Variants in FRY observed in about 807,000 individuals in gnomAD.
The protein encoded by FRY is FRY microtubule binding protein.
In FRY, 128 loss-of-function variants were observed where a neutral mutation model predicts 348.4. That is an observed-to-expected ratio of 0.37 (90% CI 0.32 to 0.43). FRY has a LOEUF of 0.43. FRY is among the 20% of genes least tolerant of loss of function. FRY has a pLI of 1.00. For missense variants in FRY, 2,736 were observed against 3,695.2 expected, an observed-to-expected ratio of 0.74 and a Z score of 6.73; for synonymous variants, 1,370 against 1,374.7, an observed-to-expected ratio of 1.00 and a Z score of 0.08.
chr13:32,137,230 A>T lies in FRY; in HGVS notation c.1179+258A>T, dbSNP rs556742834. ...AGGATCACTTTAAAAGTAGAATTAA[A>T]TGTTCTTTTATATGCATCCATTGTC... On this transcript the variant is annotated intron_variant, in intron 11 of 60. Coordinates refer to ENST00000542859, the MANE Select transcript of FRY (RefSeq NM_023037.3). 4.9e-4 allele frequency among the ~76,000 whole-genome samples: 74 copies of T among 152,334 alleles called. 1 individual carries two copies. The South Asian group carries it at 0.014, about 29-fold the overall frequency.
intron 28 of FRY, among the ~76,000 whole-genome samples, chr13:32,188,477 C>G (rs930186661): frequency 6.6e-6 from 1 of 152,118 alleles, no homozygotes; most frequent in Non-Finnish European, 1.5e-5. Context: ...GAAGAATTAG[C>G]AGGAGCATTG....
At chr13:32,179,919 GT>G in intron 23 of FRY, 120 bp downstream of exon 23, 1 of 941,174 alleles carries the variant, frequency 1.1e-6, no homozygotes, top group Non-Finnish European at 1.7e-6. Flanking sequence ...TAGGCTTTGT[GT>G]GACTTCCCAC....
chr13:32,186,021 T>G (rs1236704558), intron 26 of FRY, among the ~76,000 whole-genome samples: 1 of 152,188 alleles, frequency 6.6e-6, no homozygotes, highest in Non-Finnish European at 1.5e-5. Flanking sequence ...GCAGGTCCTA[T>G]TTTTGATCTT....
At chr13:32,288,440 G>A (rs993992505) in intron 58 of FRY, among the ~76,000 whole-genome samples, 1 of 152,204 alleles carries the variant, frequency 6.6e-6, no homozygotes, top group Non-Finnish European at 1.5e-5. Context: ...GAGCAGGGAA[G>A]AGCTGGGAAG....
chr13:32,215,134 A>G (rs773529716), intron 35 of FRY, among the ~76,000 whole-genome samples: 10 of 152,236 alleles, frequency 6.6e-5, no homozygotes, highest in East Asian at 1.9e-4. Context: ...ACAACTTAAC[A>G]TTAACCTAAC....
Position 32,078,905 on chromosome 13 carries a change from C to T in FRY, c.142C>T (p.Pro48Ser), listed in dbSNP as rs1408822497. 2 of 1,613,814 alleles carry T rather than the reference C, an allele frequency of 1.2e-6. No homozygotes were observed. The highest frequency in any genetic ancestry group is 1.7e-6 in the Non-Finnish European group (2 of 1,179,848). ...TTCTGGCACGCACAGGGAGAAAGGG[C>T]CGCCAACCATGCTACCCATCAATGT... The part of the protein sequence containing the change: ...PASGTHREKG[P>S]PTMLPINVDP... Residue 48 changes from proline (P) to serine (S), a missense_variant, in exon 2 of 61, where the codon CCG becomes TCG. Coordinates refer to ENST00000542859, the MANE Select transcript of FRY (RefSeq NM_023037.3).
intron 51 of FRY, among the ~76,000 whole-genome samples, chr13:32,258,892 G>A (rs151146470): frequency 6.6e-6 from 1 of 152,180 alleles, no homozygotes; most frequent in East Asian, 1.9e-4. Context: ...TAGAACATTT[G>A]GGGGAGTATA....
At chr13:32,043,395 T>C (rs1198590661) in intron 1 of FRY, among the ~76,000 whole-genome samples, 6 of 152,216 alleles carry the variant, frequency 3.9e-5, no homozygotes, top group Admixed American at 3.9e-4. Context: ...AGGGCAATAA[T>C]AATAGCTGAT....
chr13:32,112,526 G>A (rs1344966350), intron 3 of FRY, among the ~76,000 whole-genome samples: 1 of 152,190 alleles, frequency 6.6e-6, no homozygotes, highest in Non-Finnish European at 1.5e-5. Context: ...TGGCACGTGA[G>A]TGGTCAGTCT....
In FRY at chr13:32,261,608, G is replaced by A. The variant is rs764815632; in HGVS notation, c.7417-8G>A. ...GGCATAAAAAACCGGCTGATGGTGT[G>A]ATTTCAGGGTGAGAGTATGGACAAT... On this transcript the variant is annotated splice_polypyrimidine_tract_variant and splice_region_variant and intron_variant, in intron 51 of 60. Coordinates refer to ENST00000542859, the MANE Select transcript of FRY (RefSeq NM_023037.3). 1.2e-6 allele frequency: 2 copies of A among 1,613,568 alleles called. No individual in the cohort carries two copies. The highest frequency in any genetic ancestry group is 2.2e-5 in the East Asian group (1 of 44,882).
chr13:32,201,700 T>G (rs2138325396), intron 29 of FRY, among the ~76,000 whole-genome samples: 1 of 152,336 alleles, frequency 6.6e-6, no homozygotes, highest in South Asian at 2.1e-4. Flanking sequence ...ATGCATCAGA[T>G]AGACTTTTGT....
intron 47 of FRY, among the ~76,000 whole-genome samples, chr13:32,244,452 C>T (rs1453353487): frequency 6.6e-6 from 1 of 152,162 alleles, no homozygotes; most frequent in Non-Finnish European, 1.5e-5. Context: ...TGAAAGCACA[C>T]GCCTGACTTG....
intron 1 of FRY, among the ~76,000 whole-genome samples, chr13:32,053,510 C>T (rs184724150): frequency 9.2e-5 from 14 of 152,346 alleles, no homozygotes; most frequent in Admixed American, 6.5e-4. Flanking sequence ...TCTTTGCAGA[C>T]GAACTGTCTC....
chr13:32,228,701 G>A lies in FRY; in HGVS notation c.5405+47G>A, dbSNP rs138786155. On this transcript the variant is annotated intron_variant, in intron 40 of 60. Transcript: ENST00000542859. The stretch of plus-strand genomic sequence containing the variant: ...GCTGCTGTTTGCAGGTTGGTCTTTC[G>A]GAAAATTGCCAACGCTTTAAACCAC... 12,485 of 1,518,866 alleles carry A rather than the reference G, an allele frequency of 8.2e-3. 63 individuals are homozygous for A. Among genetic ancestry groups the A allele is most frequent in the Non-Finnish European group, 9.2e-3 (10,007 of 1,093,314 alleles). 94.1% of individuals were successfully genotyped at this position (1,518,866 alleles called of 1,614,324 possible).
At position 32,246,267 on chromosome 13, in the gene FRY, A is replaced by T. The variant is rs142571159; in HGVS notation, c.6829-1056A>T. On this transcript the variant is annotated intron_variant, in intron 47 of 60. Transcript: ENST00000542859. ...GTTTTATTTCATGTGCTTTGACTGC[A>T]AAGTCCAGGCAAAAAATAATAATAA... 5.5e-3 allele frequency among the ~76,000 whole-genome samples: 809 copies of T among 147,698 alleles called. 8 individuals are homozygous for T. The highest frequency in any genetic ancestry group is 0.019 in the African/African-American group (784 of 41,176).
chr13:32,144,226 A>G (rs1880263193), intron 11 of FRY, among the ~76,000 whole-genome samples: 1 of 151,792 alleles, frequency 6.6e-6, no homozygotes, highest in Non-Finnish European at 1.5e-5. Context: ...CAAACAAAAA[A>G]AAAAACTTCT....
At chr13:32,257,276 C>A (rs541160289) in intron 51 of FRY, among the ~76,000 whole-genome samples, 2 of 152,264 alleles carry the variant, frequency 1.3e-5, no homozygotes, top group Admixed American at 6.5e-5. Context: ...AAATGTGAGT[C>A]TCCTTGTACT....
At chr13:32,045,301 T>TC (rs1253464598) in intron 1 of FRY, among the ~76,000 whole-genome samples, 1 of 152,210 alleles carries the variant, frequency 6.6e-6, no homozygotes, top group Admixed American at 6.5e-5. Flanking sequence ...GAATGACATC[T>TC]CCCACATCTG....
intron 1 of FRY, among the ~76,000 whole-genome samples, chr13:32,057,731 A>C (rs1873714697): frequency 6.6e-6 from 1 of 152,130 alleles, no homozygotes; most frequent in South Asian, 2.1e-4. Flanking sequence ...AGGCTGAGGC[A>C]GGCAGATCAC....
Sources: gnomAD v4.1 joint callset for allele counts (sites outside exome capture counted in the v4.1 genomes callset) on GRCh38, gnomAD v4.1.1 for gene constraint, MANE v1.5 for transcripts, NCBI Gene and HGNC (gene_info 2026-07-23, HGNC 2026-07-21) for gene names.